Variants in SERPINA5 observed in about 807,000 individuals in gnomAD.
The protein encoded by SERPINA5 is plasma serine protease inhibitor.
In SERPINA5, 25 loss-of-function variants were observed where a neutral mutation model predicts 25.3. The ratio of observed to expected loss-of-function variants is 0.99; its 90% CI spans 0.72 to 1.38. The LOEUF is 1.38. Ranked by LOEUF, SERPINA5 falls within the 40% of genes most tolerant of loss-of-function variation. The probability of loss-of-function intolerance (pLI) is 0.00; values close to 1 mark genes in which losing one functional copy is unlikely to be tolerated. For synonymous variants in SERPINA5, 234 were observed against 206.2 expected (o/e 1.14, Z -1.16); for missense variants, 599 against 509.5 (o/e 1.18, Z -1.69).
Position 94,590,112 on chromosome 14 carries a change from G to A in SERPINA5, c.691G>A (p.Val231Met). Residue 231 changes from valine to methionine, a missense_variant, in exon 4 of 6, where the codon GTG (valine) becomes ATG (methionine). Coordinates refer to ENST00000329597, the MANE Select transcript of SERPINA5 (RefSeq NM_000624.6). ...QDFYVTSETV[V>M]RVPMMSREDQ... ...CTTCTACGTGACCTCGGAGACTGTGGTGCGGGTACCCATGATGAGCCGCGA... is the reference window on the plus strand; with the variant it reads ...CTTCTACGTGACCTCGGAGACTGTGATGCGGGTACCCATGATGAGCCGCGA... 1 of 1,614,004 alleles carries A rather than the reference G, an allele frequency of 6.2e-7. No homozygotes were observed. The highest frequency in any genetic ancestry group is 8.5e-7 in the Non-Finnish European group (1 of 1,179,948).
chr14:94,585,223 A>G (rs1314676795), intron 2 of SERPINA5, among the ~76,000 whole-genome samples: 1 of 152,176 alleles, frequency 6.6e-6, no homozygotes, highest in Non-Finnish European at 1.5e-5. Context: ...TAGCAGCAAG[A>G]TGTACCTTTT....
rs1432150684 is a variant in SERPINA5, at chr14:94,590,261, T to C, written c.840T>C (p.Asn280=). ...PSEGKMQQVE[N]GLSEKTLRKW... is the part of the protein sequence containing the mutation. ...AGGGAAAGATGCAGCAGGTGGAGAA[T>C]GGACTGAGTGAGAAAACGCTGAGGA... Residue 280 remains asparagine, a synonymous_variant, in exon 4 of 6, where the codon AAT becomes AAC. Transcript: ENST00000329597. 6.2e-7 allele frequency: 1 copy of C among 1,612,070 alleles called. No homozygotes were observed. Among genetic ancestry groups the C allele is most frequent in the Admixed American group, 1.7e-5 (1 of 59,942 alleles).
At chr14:94,590,545 C>T in intron 4 of SERPINA5, 1 of 781,314 alleles carries the variant, frequency 1.3e-6, no homozygotes, top group Non-Finnish European at 1.9e-6. Context: ...GACCTCTGGG[C>T]AGCCCACGTC....
rs756986987 is a variant in SERPINA5, at chr14:94,590,154, C to G, written c.733C>G (p.Leu245Val). 1 of 1,614,200 alleles carries G rather than the reference C, an allele frequency of 6.2e-7. No individual in the cohort carries two copies. Among genetic ancestry groups the G allele is most frequent in the South Asian group, 1.1e-5 (1 of 91,082 alleles). The change falls in exon 4 of 6, where the codon CTC becomes GTC. Residue 245 changes from leucine to valine, a missense_variant. Transcript: ENST00000329597. Reference protein sequence around the residue: ...MMSREDQYHYLLDRNLSCRVV... With the variant: ...MMSREDQYHYVLDRNLSCRVV... ...GAGCCGCGAGGATCAGTATCACTACCTCCTGGACCGGAACCTCTCCTGCAG... is the reference window on the plus strand; with the variant it reads ...GAGCCGCGAGGATCAGTATCACTACGTCCTGGACCGGAACCTCTCCTGCAG...
At chr14:94,588,097 G>A (rs1371411523) in intron 3 of SERPINA5, 116 bp downstream of exon 3, 3 of 1,359,154 alleles carry the variant, frequency 2.2e-6, no homozygotes, top group South Asian at 2.8e-5. Flanking sequence ...GTTCTTTTGG[G>A]TGCCTGTTGA....
chr14:94,590,494 C>A, intron 4 of SERPINA5, 183 bp downstream of exon 4: 1 of 886,874 alleles, frequency 1.1e-6, no homozygotes, highest in Non-Finnish European at 1.6e-6. Context: ...GGGACAAGAG[C>A]TGGAAACTGG....
chr14:94,583,910 C>T (rs1884993550), intron 2 of SERPINA5, among the ~76,000 whole-genome samples: 2 of 152,174 alleles, frequency 1.3e-5, no homozygotes, highest in Admixed American at 6.5e-5. Context: ...GTATTTCCAC[C>T]AGAGGCCCAA....
chr14:94,586,777 G>A (rs1184483163), intron 2 of SERPINA5: 5 of 152,328 alleles, frequency 3.3e-5, no homozygotes, highest in African/African-American at 7.2e-5. Flanking sequence ...AGGAGAAGGG[G>A]ACAGTTTGCA....
In SERPINA5 at chr14:94,587,649, G is replaced by A. The variant is rs1885139526; in HGVS notation, c.287G>A (p.Gly96Asp). Residue 96 changes from glycine (G) to aspartate (D), a missense_variant, in exon 3 of 6, where the codon GGC becomes GAC. Physicochemically the swap from Gly to Asp is moderately conservative, Grantham distance 94. Transcript: ENST00000329597. ...AAGATGCAGATCCTGGAGGGCCTGG[G>A]CCTCAACCTCCAGAAAAGCTCAGAG... is the stretch of plus-strand genomic sequence containing the variant. ...STKMQILEGL[G>D]LNLQKSSEKE... The A allele has an allele frequency of 1.2e-6, 2 of 1,614,026 alleles. No individual in the cohort carries two copies. The highest frequency in any genetic ancestry group is 1.1e-5 in the South Asian group (1 of 91,064).
intron 2 of SERPINA5, among the ~76,000 whole-genome samples, chr14:94,584,927 G>A (rs190957008): frequency 6.6e-6 from 1 of 152,194 alleles, no homozygotes; most frequent in African/African-American, 2.4e-5. Context: ...GTCCTTCAAA[G>A]CTCTCCAGGC....
Position 94,592,331 on chromosome 14 carries a change from A to G in SERPINA5, c.*92A>G. ...TCTGTATGCTGGTAGCTAGTGATTT[A>G]CACAGGTTTAGTTGACTAATGAGGC... On this transcript the variant is annotated 3_prime_UTR_variant, in exon 6 of 6. Coordinates refer to ENST00000329597, the MANE Select transcript of SERPINA5 (RefSeq NM_000624.6). 1 of 1,273,982 alleles carries G rather than the reference A, an allele frequency of 7.8e-7. No homozygotes were observed. The highest frequency in any genetic ancestry group is 1.1e-6 in the Non-Finnish European group (1 of 914,674). 78.9% of individuals were successfully genotyped at this position (1,273,982 alleles called of 1,614,324 possible).
Position 94,592,221 on chromosome 14 carries a change from C to T in SERPINA5, c.1203C>T (p.Gly401=). The change falls in exon 6 of 6, where the codon GGC becomes GGT. Residue 401 remains glycine (G), a synonymous_variant. Transcript: ENST00000329597. ...TGGATAACAACATCCTCTTCCTTGGCAAAGTGAACCGCCCCTGAGGTGGGG... is the reference window on the plus strand; with the variant it reads ...TGGATAACAACATCCTCTTCCTTGGTAAAGTGAACCGCCCCTGAGGTGGGG... The part of the protein sequence containing the change: ...FIVDNNILFL[G]KVNRP The T allele has an allele frequency of 1.2e-6, 2 of 1,613,400 alleles. No homozygotes were observed. Among genetic ancestry groups the T allele is most frequent in the Non-Finnish European group, 1.7e-6 (2 of 1,179,528 alleles).
chr14:94,592,139 C>T lies in SERPINA5; in HGVS notation c.1121C>T (p.Ser374Leu), dbSNP rs567913291. The change falls in exon 6 of 6, where the codon TCG becomes TTG. Residue 374 changes from serine (S) to leucine (L), a missense_variant. By Grantham distance (145) the Ser-to-Leu change is moderately radical (BLOSUM62 -2). Transcript: ENST00000329597. ...AATGTIFTFRSARLNSQRLVF... is the reference protein window; with the variant it reads ...AATGTIFTFRLARLNSQRLVF... The stretch of plus-strand genomic sequence containing the variant: ...ACGGGGACAATATTCACTTTCAGGT[C>T]GGCCCGCCTGAACTCTCAGAGGCTA... 104 of 1,614,114 alleles carry T rather than the reference C, an allele frequency of 6.4e-5. 1 individual carries two copies. The South Asian group carries it at 8.8e-4, about 14-fold the overall frequency.
In SERPINA5 at chr14:94,592,128, C is replaced by T. The variant is rs202076550; in HGVS notation, c.1110C>T (p.Phe370=). 5.0e-6 allele frequency: 8 copies of T among 1,614,160 alleles called. No homozygotes were observed. The Admixed American group carries it at 1.2e-4, about 24-fold the overall frequency. The change falls in exon 6 of 6, where the codon TTC becomes TTT. Residue 370 remains phenylalanine, a synonymous_variant. Coordinates refer to ENST00000329597, the MANE Select transcript of SERPINA5 (RefSeq NM_000624.6). ...TRAAAATGTI[F]TFRSARLNSQ... Reference sequence around the variant, plus strand: ...CAGCGGCAGCCACGGGGACAATATTCACTTTCAGGTCGGCCCGCCTGAACT... The same window carrying T: ...CAGCGGCAGCCACGGGGACAATATTTACTTTCAGGTCGGCCCGCCTGAACT...
At chr14:94,591,567 C>CTATTA (rs1162379093) in intron 5 of SERPINA5, among the ~76,000 whole-genome samples, 3 of 147,652 alleles carry the variant, frequency 2.0e-5, no homozygotes, top group Admixed American at 6.8e-5. Flanking sequence ...CTATTCTATT[C>CTATTA]TATTCTATTC....
chr14:94,589,485 T>A (rs1276016928), intron 3 of SERPINA5, among the ~76,000 whole-genome samples: 3 of 151,628 alleles, frequency 2.0e-5, no homozygotes, highest in African/African-American at 4.8e-5. Flanking sequence ...AAAAAAGAAA[T>A]AAAATAAAAT....
At chr14:94,588,734 A>C (rs1449427345) in intron 3 of SERPINA5, among the ~76,000 whole-genome samples, 1 of 152,204 alleles carries the variant, frequency 6.6e-6, no homozygotes, top group African/African-American at 2.4e-5. Flanking sequence ...CAACAAACAT[A>C]TATTTCTCAT....
rs746373864 is a variant in SERPINA5 at position 94,587,797 on chromosome 14, C to T, written c.435C>T (p.Phe145=). ...TGGTGGTAGACCTGCAGGACACCTT[C>T]GTAAGTGCCATGAAGACGCTGTACC... is the stretch of plus-strand genomic sequence containing the variant. ...TDLVVDLQDT[F]VSAMKTLYLA... The change falls in exon 3 of 6, where the codon TTC becomes TTT. Residue 145 remains phenylalanine (F), a synonymous_variant. Coordinates refer to ENST00000329597, the MANE Select transcript of SERPINA5 (RefSeq NM_000624.6). The T allele has an allele frequency of 1.5e-5, 24 of 1,614,082 alleles. No homozygotes were observed. Among genetic ancestry groups the T allele is most frequent in the Middle Eastern group, 1.6e-4 (1 of 6,084 alleles).
chr14:94,590,279 G>T lies in SERPINA5; in HGVS notation c.858G>T (p.Thr286=). ...TGGAGAATGGACTGAGTGAGAAAAC[G>T]CTGAGGAAGTGGCTTAAGATGTTCA... ...QQVENGLSEK[T]LRKWLKMFKK... is the part of the protein sequence containing the mutation. The change falls in exon 4 of 6, where the codon ACG becomes ACT. Residue 286 remains threonine, a synonymous_variant. Transcript: ENST00000329597. 1 of 1,610,024 alleles carries T rather than the reference G, an allele frequency of 6.2e-7. No homozygotes were observed. The highest frequency in any genetic ancestry group is 1.1e-5 in the South Asian group (1 of 90,812).
Sources: gnomAD v4.1 joint callset for allele counts (sites outside exome capture counted in the v4.1 genomes callset) on GRCh38, gnomAD v4.1.1 for gene constraint, MANE v1.5 for transcripts, NCBI Gene and HGNC (gene_info 2026-07-23, HGNC 2026-07-21) for gene names.